GRM7: variants seen among roughly 807,000 people sequenced by gnomAD.
The protein encoded by GRM7 is metabotropic glutamate receptor 7.
A neutral mutation model predicts 84.5 loss-of-function variants in GRM7; 35 were observed. The ratio of observed to expected loss-of-function variants is 0.41; its 90% CI spans 0.32 to 0.55. The LOEUF is 0.55. Ranked by LOEUF, GRM7 falls within the 20% of genes least tolerant of loss-of-function variation. GRM7 has a pLI of 0.19. For synonymous variants in GRM7, 487 were observed against 455.1 expected, an observed-to-expected ratio of 1.07 and a Z score of -0.89; for missense variants, 1,003 against 1,194.6, an observed-to-expected ratio of 0.84 and a Z score of 2.36.
chr3:7,229,759 ATTTTTT>A (rs1200808989), intron 2 of GRM7, among the ~76,000 whole-genome samples: 58 of 30,376 alleles, frequency 1.9e-3, no homozygotes, highest in Non-Finnish European at 2.3e-3. Context: ...ATATATATAT[ATTTTTT>A]TTTTTTTTTG....
At chr3:7,562,720 C>G (rs756255875) in intron 7 of GRM7, among the ~76,000 whole-genome samples, 4 of 152,092 alleles carry the variant, frequency 2.6e-5, no homozygotes, top group Non-Finnish European at 5.9e-5. Context: ...ATGGTTTGTT[C>G]TATACTCAAA....
intron 8 of GRM7, among the ~76,000 whole-genome samples, chr3:7,606,283 A>G (rs2125075042): frequency 6.6e-6 from 1 of 152,242 alleles, no homozygotes; most frequent in South Asian, 2.1e-4. Context: ...CTAAAGAACA[A>G]ATCCTTGTGA....
intron 7 of GRM7, among the ~76,000 whole-genome samples, chr3:7,476,504 A>G (rs1698927119): frequency 6.6e-6 from 1 of 152,160 alleles, no homozygotes; most frequent in African/African-American, 2.4e-5. Flanking sequence ...CCAAGATCAC[A>G]CTACTTCACT....
At chr3:7,613,879 AC>A (rs772590126) in intron 8 of GRM7, among the ~76,000 whole-genome samples, 10 of 152,292 alleles carry the variant, frequency 6.6e-5, no homozygotes, top group Non-Finnish European at 1.0e-4. Flanking sequence ...TTTTGATACC[AC>A]TGTTGTTTAA....
At chr3:7,099,420 A>G (rs1416385521) in intron 1 of GRM7, among the ~76,000 whole-genome samples, 1 of 149,234 alleles carries the variant, frequency 6.7e-6, no homozygotes, top group Non-Finnish European at 1.5e-5. Flanking sequence ...CATATTATGC[A>G]TGTATATACG....
intron 7 of GRM7, among the ~76,000 whole-genome samples, chr3:7,490,279 A>T (rs1699473515): frequency 6.6e-6 from 1 of 152,170 alleles, no homozygotes; most frequent in African/African-American, 2.4e-5. Context: ...GTCACTTAAA[A>T]ATAAAGTTAT....
chr3:7,381,935 G>C (rs1276345226), intron 4 of GRM7, among the ~76,000 whole-genome samples: 2 of 152,080 alleles, frequency 1.3e-5, no homozygotes, highest in Admixed American at 1.3e-4. Flanking sequence ...AGTGTTTTAT[G>C]TGTGTGCATT....
intron 4 of GRM7, among the ~76,000 whole-genome samples, chr3:7,400,906 G>A (rs534046759): frequency 6.6e-6 from 1 of 152,186 alleles, no homozygotes; most frequent in South Asian, 2.1e-4. Context: ...TTAACTCCTA[G>A]GATGTTTGTG....
chr3:6,896,219 G>A lies in GRM7; in HGVS notation c.519+34312G>A, dbSNP rs1032997058. Among the ~76,000 whole-genome samples the A allele has an allele frequency of 3.9e-5, 6 of 152,004 alleles. No homozygotes were observed. The East Asian group carries it at 1.2e-3, about 29-fold the overall frequency. ...GCTTTTTTGATGAAAGTATTCCCAC[G>A]CCTGCCCCTTACTTCTAGCTTCTTA... On this transcript the variant is annotated intron_variant, in intron 1 of 9. Coordinates refer to ENST00000357716, the MANE Select transcript of GRM7 (RefSeq NM_000844.4).
rs1444202611 is a variant in GRM7 at position 7,146,435 on chromosome 3, C to A, written c.520-17C>A. 3 of 1,589,236 alleles carry A rather than the reference C, an allele frequency of 1.9e-6. No individual in the cohort carries two copies. The highest frequency in any genetic ancestry group is 2.7e-5 in the African/African-American group (2 of 74,518). On this transcript the variant is annotated splice_polypyrimidine_tract_variant and intron_variant, in intron 1 of 9. Transcript: ENST00000357716. ...CCTGACGGTGCACTCTCACGTGGTG[C>A]TTTCTTGTCTTTGCAGATCCCCCAG...
intron 1 of GRM7, among the ~76,000 whole-genome samples, chr3:6,868,907 G>A (rs1336668374): frequency 6.6e-6 from 1 of 152,092 alleles, no homozygotes; most frequent in East Asian, 1.9e-4. Flanking sequence ...CCATCTTTGG[G>A]TGTTGTGCTT....
intron 7 of GRM7, among the ~76,000 whole-genome samples, chr3:7,499,540 AT>A (rs1357327300): frequency 2.6e-5 from 4 of 152,200 alleles, no homozygotes; most frequent in Non-Finnish European, 5.9e-5. Context: ...GGTAGGCTCT[AT>A]TTTAAATGCT....
intron 9 of GRM7, chr3:7,691,224 C>A: frequency 7.9e-7 from 1 of 1,271,876 alleles, no homozygotes; most frequent in Non-Finnish European, 1.0e-6. Context: ...CTCTGAGGAC[C>A]TCAGCTTGCA....
intron 1 of GRM7, among the ~76,000 whole-genome samples, chr3:7,101,823 C>T (rs185400176): frequency 6.8e-6 from 1 of 147,940 alleles, no homozygotes; most frequent in Non-Finnish European, 1.5e-5. Context: ...TTTATATCTG[C>T]TTTATATATA....
intron 1 of GRM7, among the ~76,000 whole-genome samples, chr3:6,917,906 A>G (rs139087424): frequency 6.6e-6 from 1 of 152,256 alleles, no homozygotes; most frequent in Non-Finnish European, 1.5e-5. Context: ...TTACCTCTTC[A>G]TTAAAGGGAT....
intron 2 of GRM7, among the ~76,000 whole-genome samples, chr3:7,215,887 G>T (rs1040853053): frequency 2.0e-5 from 3 of 151,962 alleles, no homozygotes; most frequent in Admixed American, 2.0e-4. Flanking sequence ...CAACTTTCCC[G>T]CCAACTGAAT....
chr3:7,483,753 A>C (rs1699219114), intron 7 of GRM7, among the ~76,000 whole-genome samples: 1 of 152,134 alleles, frequency 6.6e-6, no homozygotes, highest in African/African-American at 2.4e-5. Context: ...GATGAGAGAT[A>C]GATATAGATA....
intron 1 of GRM7, among the ~76,000 whole-genome samples, chr3:6,973,516 A>G (rs9815392): frequency 0.02 from 2,980 of 152,294 alleles, 105 homozygotes; most frequent in African/African-American, 0.066. Context: ...AAAATAATAA[A>G]CATATACTAT....
chr3:7,238,194 G>A (rs529332776), intron 2 of GRM7, among the ~76,000 whole-genome samples: 44 of 152,108 alleles, frequency 2.9e-4, no homozygotes, highest in Non-Finnish European at 5.0e-4. Flanking sequence ...CAATCTCTTC[G>A]GTTGTCCTCT....
Sources: allele counts gnomAD v4.1 joint callset (sites outside exome capture counted in the v4.1 genomes callset), GRCh38; gene constraint gnomAD v4.1.1; transcripts MANE v1.5; gene names NCBI Gene and HGNC (gene_info 2026-07-23, HGNC 2026-07-21).